The following DSC2 variants were observed in gnomAD, a reference collection of about 807,000 sequenced individuals.
The protein encoded by DSC2 is desmocollin-2.
A neutral mutation model predicts 87.6 loss-of-function variants in DSC2; 51 were observed. That is an observed-to-expected ratio of 0.58 (90% confidence interval 0.46 to 0.74). The LOEUF is 0.74. DSC2 is among the 30% of genes least tolerant of loss of function. DSC2 has a pLI of 0.00. For synonymous variants in DSC2, 383 were observed against 393.2 expected (o/e 0.97, Z 0.31); for missense variants, 1,066 against 1,089.5 (o/e 0.98, Z 0.30).
At chr18:31,068,732 A>T (rs1306924325) in intron 15 of DSC2, among the ~76,000 whole-genome samples, 162 bp downstream of exon 15, 5 of 152,222 alleles carry the variant, frequency 3.3e-5, no homozygotes, top group Admixed American at 6.5e-5. Flanking sequence ...AACCACTTAA[A>T]TCTGAACATA....
chr18:31,074,421 A>ATGTGTGTGTGTGTG (rs71175757), intron 12 of DSC2, among the ~76,000 whole-genome samples: 8 of 139,940 alleles, frequency 5.7e-5, no homozygotes, highest in Admixed American at 1.4e-4. Context: ...AAGAGAAAAA[A>ATGTGTGTGTGTGTG]TGTGTGTGTG....
Position 31,071,606 on chromosome 18 carries a change from A to G in DSC2, c.2124T>C (p.Phe708=), listed in dbSNP as rs1376132075. Residue 708 remains phenylalanine (F), a splice_region_variant and synonymous_variant, in exon 13 of 16, where the codon TTT becomes TTC. Transcript: ENST00000280904. ...LAILLGIALL[F]CILFTLVCGA... is the part of the protein sequence containing the mutation. ...TTCAAGAAAGGACTTAAGACTTACA[A>G]AAGAGCAATGCTATGCCCAACAATA... The G allele has an allele frequency of 6.2e-7, 1 of 1,613,358 alleles. No homozygotes were observed. The highest frequency in any genetic ancestry group is 8.5e-7 in the Non-Finnish European group (1 of 1,179,380).
rs1353331846 is a variant in DSC2 at position 31,061,913 on chromosome 18, G to A, written c.*6102C>T. The A allele has an allele frequency of 2.6e-5, 4 of 152,170 alleles. No individual in the cohort carries two copies. The highest frequency in any genetic ancestry group is 5.9e-5 in the Non-Finnish European group (4 of 68,028). 9.4% of individuals were successfully genotyped at this position (152,170 alleles called of 1,614,324 possible). A position where few individuals can be genotyped will look rare whatever the true frequency, so the allele number is the denominator to read the frequency against. ...AACCTAGAAAACCAGAACTGGTGAA[G>A]AGGAAATAATAAAGGGGGTCATACA... On this transcript the variant is annotated 3_prime_UTR_variant, in exon 16 of 16. Transcript: ENST00000280904.
chr18:31,101,968 C>T lies in DSC2; in HGVS notation c.4G>A (p.Glu2Lys), dbSNP rs762556795. The T allele has an allele frequency of 7.3e-5, 111 of 1,524,154 alleles. No homozygotes were observed. The highest frequency in any genetic ancestry group is 3.8e-4 in the Middle Eastern group (2 of 5,244). The allele number at this position is 1,524,154 out of a possible 1,614,324, so 94.4% of individuals were successfully genotyped here. A position where few individuals can be genotyped will look rare whatever the true frequency, so the allele number is the denominator to read the frequency against. ...CAGGAGCCGGAGGGGCGGGCTGCCT[C>T]CATGGAGAGGGCTCGGGGCAGGTCG... MEAARPSGSWNG... is the reference protein window; with the variant it reads MKAARPSGSWNG... Residue 2 changes from glutamate (E) to lysine (K), a missense_variant, in exon 1 of 16, where the codon GAG becomes AAG. By Grantham distance (56) the Glu-to-Lys change is moderately conservative. Transcript: ENST00000280904.
At chr18:31,093,473 G>A (rs751634733) in intron 2 of DSC2, 86 bp downstream of exon 2, 276 of 1,030,340 alleles carry the variant, frequency 2.7e-4, no homozygotes, top group Non-Finnish European at 3.5e-4. Flanking sequence ...ACAAGATCTC[G>A]TTCCTTTTTA....
At chr18:31,099,299 T>G (rs978705000) in intron 1 of DSC2, among the ~76,000 whole-genome samples, 1 of 152,068 alleles carries the variant, frequency 6.6e-6, no homozygotes, top group Non-Finnish European at 1.5e-5. Context: ...CAGGAAAAAG[T>G]AGTCAAACTC....
intron 7 of DSC2, 47 bp from the exon 8 acceptor site, chr18:31,083,107 T>TA (rs1388131322): frequency 6.3e-7 from 1 of 1,588,736 alleles, no homozygotes; most frequent in Non-Finnish European, 8.6e-7. Flanking sequence ...GCACCAACAT[T>TA]ATAATTGAAA....
At position 31,086,648 on chromosome 18, in the gene DSC2, T is replaced by C. The variant is rs142653119; in HGVS notation, c.870A>G (p.Pro290=). 7.5e-5 allele frequency: 121 copies of C among 1,614,076 alleles called. No individual in the cohort carries two copies. Among genetic ancestry groups the C allele is most frequent in the Middle Eastern group, 1.6e-4 (1 of 6,082 alleles). The change falls in exon 7 of 16, where the codon CCA becomes CCG. Residue 290 remains proline (P), a synonymous_variant. Coordinates refer to ENST00000280904, the MANE Select transcript of DSC2 (RefSeq NM_024422.6). Reference sequence around the variant, plus strand: ...GATGCATAGAAAATAGGGTGGGTGATGGTGGCACCTGCCCAATGATGGAGT... The same window carrying C: ...GATGCATAGAAAATAGGGTGGGTGACGGTGGCACCTGCCCAATGATGGAGT... The part of the protein sequence containing the change: ...LKYSIIGQVP[P]SPTLFSMHPT...
intron 1 of DSC2, 95 bp downstream of exon 1, chr18:31,101,808 T>TCCC: frequency 1.5e-6 from 2 of 1,323,902 alleles, no homozygotes; most frequent in Non-Finnish European, 2.0e-6. Context: ...CCCCAGCTTT[T>TCCC]CCCGCCACCC....
rs571949426 is a variant in DSC2 at position 31,075,371 on chromosome 18, A to C, written c.1664-464T>G. 4.6e-5 allele frequency among the ~76,000 whole-genome samples: 7 copies of C among 152,326 alleles called. No individual in the cohort carries two copies. The South Asian group carries it at 8.3e-4, about 18-fold the overall frequency. ...CTAGGGAGCTTAGAGTTTGTTGGAT[A>C]AATAGGTAGCACTTAGGTTTTGGAG... On this transcript the variant is annotated intron_variant, in intron 11 of 15. Transcript: ENST00000280904.
chr18:31,068,508 C>G (rs1446032853), intron 15 of DSC2, among the ~76,000 whole-genome samples: 1 of 152,152 alleles, frequency 6.6e-6, no homozygotes, highest in Non-Finnish European at 1.5e-5. Context: ...TGACATGCAT[C>G]CATTAAACTG....
At position 31,083,204 on chromosome 18, in the gene DSC2, T is replaced by TTTCTCTCAC. The variant is rs1987288942; in HGVS notation, c.943-153_943-145dup. 1.5e-5 allele frequency: 14 copies of TTTCTCTCAC among 938,554 alleles called. No homozygotes were observed. In the East Asian group the frequency reaches 3.7e-4, roughly 25 times the overall value. The allele number at this position is 938,554 out of a possible 1,614,324, so 58.1% of individuals were successfully genotyped here. A position where few individuals can be genotyped will look rare whatever the true frequency, so the allele number is the denominator to read the frequency against. On this transcript the variant is annotated intron_variant, in intron 7 of 15. Coordinates refer to ENST00000280904, the MANE Select transcript of DSC2 (RefSeq NM_024422.6). ...CACAGCATTCGTGTATTAGAAGAAT[T>TTTCTCTCAC]TTCTCTCACTAGTAATTTTTCTTTT...
chr18:31,071,942 G>A (rs949214007), intron 12 of DSC2, 101 bp from the exon 13 acceptor site: 1 of 1,044,542 alleles, frequency 9.6e-7, no homozygotes, highest in Admixed American at 1.9e-5. Flanking sequence ...CCTAGAAACA[G>A]ATATTCCTGA....
At position 31,080,309 on chromosome 18, in the gene DSC2, C is replaced by T. The variant is rs763981974; in HGVS notation, c.1307G>A (p.Gly436Asp). 1 of 1,613,970 alleles carries T rather than the reference C, an allele frequency of 6.2e-7. No homozygotes were observed. Among genetic ancestry groups the T allele is most frequent in the Non-Finnish European group, 8.5e-7 (1 of 1,179,936 alleles). ...EEKQQMILQI[G>D]VVNEAPFSRE... ...GGAAAATGGAGCTTCATTAACTACA[C>T]CAATTTGCAAGATCATCTGTTGCTT... Residue 436 changes from glycine to aspartate, a missense_variant, in exon 10 of 16, where the codon GGT becomes GAT. By Grantham distance (94) the Gly-to-Asp change is moderately conservative (BLOSUM62 -1). Transcript: ENST00000280904.
At chr18:31,096,023 G>A (rs921953620) in intron 1 of DSC2, among the ~76,000 whole-genome samples, 2 of 151,986 alleles carry the variant, frequency 1.3e-5, no homozygotes, top group East Asian at 3.9e-4. Flanking sequence ...AGTGGGTGTG[G>A]GCCAGATTTT....
At position 31,069,033 on chromosome 18, in the gene DSC2, C is replaced by T. The variant is rs1555637241; in HGVS notation, c.2369G>A (p.Gly790Glu). ...GQETIEMVKG[G>E]HQTSESCRGA... ...CCGGCAGGATTCCGAGGTCTGGTGT[C>T]CTCCTTTCACCATTTCGATGGTCTC... is the stretch of plus-strand genomic sequence containing the variant. Residue 790 changes from glycine to glutamate, a missense_variant, in exon 15 of 16, where the codon GGA becomes GAA. Transcript: ENST00000280904. 6.2e-7 allele frequency: 1 copy of T among 1,612,602 alleles called. No homozygotes were observed. Among genetic ancestry groups the T allele is most frequent in the Non-Finnish European group, 8.5e-7 (1 of 1,179,990 alleles).
intron 1 of DSC2, among the ~76,000 whole-genome samples, chr18:31,096,617 A>C (rs1987768236): frequency 6.6e-6 from 1 of 152,238 alleles, no homozygotes; most frequent in African/African-American, 2.4e-5. Flanking sequence ...GATCACCATC[A>C]TAGATGCTGA....
intron 1 of DSC2, 126 bp downstream of exon 1, chr18:31,101,775 CTA>C: frequency 2.1e-6 from 1 of 465,444 alleles, no homozygotes; most frequent in Non-Finnish European, 3.3e-6. Flanking sequence ...ACTCCATTTT[CTA>C]GCCACCCAGA....
At chr18:31,097,217 G>GGC (rs1012974148) in intron 1 of DSC2, among the ~76,000 whole-genome samples, 4 of 151,682 alleles carry the variant, frequency 2.6e-5, no homozygotes, top group Non-Finnish European at 5.9e-5. Flanking sequence ...GAACCCGAGA[G>GGC]GCAGAGCTTG....
Sources: allele counts gnomAD v4.1 joint callset (sites outside exome capture counted in the v4.1 genomes callset), GRCh38; gene constraint gnomAD v4.1.1; transcripts MANE v1.5; gene names NCBI Gene and HGNC (gene_info 2026-07-23, HGNC 2026-07-21).